PRDM16: variants seen among roughly 807,000 people sequenced by gnomAD.
PRDM16 encodes the protein histone-lysine N-methyltransferase PRDM16.
PRDM16 carries 23 observed loss-of-function variants against 110.6 expected under a neutral mutation model. The observed-to-expected ratio is 0.21, with a 90% CI of 0.15 to 0.29. The LOEUF (loss-of-function observed/expected upper bound fraction) is 0.29, where lower values mean the gene tolerates loss of function less well. Among genes scored for constraint, PRDM16 ranks in the 10% least tolerant of loss-of-function variants. The pLI, the probability that PRDM16 is intolerant of heterozygous loss-of-function variation, is 1.00. For missense variants in PRDM16, 1,615 were observed against 1,794.3 expected (o/e 0.90, Z 1.81); for synonymous variants, 799 against 781.8 (o/e 1.02, Z -0.37).
intron 5 of PRDM16, among the ~76,000 whole-genome samples, chr1:3,401,557 TATTC>T (rs1285665624): frequency 1.3e-5 from 1 of 75,404 alleles, no homozygotes; most frequent in African/African-American, 4.7e-5. Flanking sequence ...TGTGTACACA[TATTC>T]ATGCCTGCAC....
At chr1:3,114,624 G>GC (rs1642912672) in intron 1 of PRDM16, among the ~76,000 whole-genome samples, 1 of 140,560 alleles carries the variant, frequency 7.1e-6, no homozygotes, top group African/African-American at 2.7e-5. Context: ...ATACACACAT[G>GC]AACACACACA....
At chr1:3,072,664 G>C (rs1024592970) in intron 1 of PRDM16, among the ~76,000 whole-genome samples, 1 of 152,196 alleles carries the variant, frequency 6.6e-6, no homozygotes, top group Non-Finnish European at 1.5e-5. Context: ...CCCTCCCTGG[G>C]GCAGTTGGCC....
At chr1:3,367,508 G>T (rs973477457) in intron 3 of PRDM16, among the ~76,000 whole-genome samples, 2 of 152,150 alleles carry the variant, frequency 1.3e-5, no homozygotes, top group Non-Finnish European at 2.9e-5. Context: ...CAGGCCTAAC[G>T]CACCCACAGC....
chr1:3,397,636 T>C (rs1643406197), intron 5 of PRDM16, among the ~76,000 whole-genome samples: 1 of 152,258 alleles, frequency 6.6e-6, no homozygotes, highest in Admixed American at 6.5e-5. Context: ...GCAAGCTCCC[T>C]CCTGGCCGTT....
chr1:3,387,483 C>A (rs1225131528), intron 4 of PRDM16, among the ~76,000 whole-genome samples: 1 of 152,220 alleles, frequency 6.6e-6, no homozygotes. Flanking sequence ...CCCCTCAACC[C>A]CCTTGTGAGA....
In PRDM16 at chr1:3,404,931, G is replaced by A. The variant is rs79424834; in HGVS notation, c.1032+45G>A. 5.7e-4 allele frequency: 903 copies of A among 1,589,878 alleles called. 11 individuals carry two copies. The East Asian group carries it at 0.019, about 33-fold the overall frequency. ...CGTCTCAGCCCCGGGGCAGCAGGAG[G>A]CTGCAGACGGGCGCCCGCCCCCGTG... is the stretch of plus-strand genomic sequence containing the variant. On this transcript the variant is annotated intron_variant, in intron 7 of 16. Transcript: ENST00000270722.
At chr1:3,400,950 G>A (rs1228845931) in intron 5 of PRDM16, among the ~76,000 whole-genome samples, 1 of 152,050 alleles carries the variant, frequency 6.6e-6, no homozygotes, top group Admixed American at 6.6e-5. Context: ...TGGCAAGCTG[G>A]CATCTGTACC....
chr1:3,215,430 G>C (rs1329016163), intron 2 of PRDM16, among the ~76,000 whole-genome samples: 1 of 123,112 alleles, frequency 8.1e-6, no homozygotes, highest in East Asian at 2.4e-4. Context: ...GGCCTATTGG[G>C]GTCCAGGAGA....
At chr1:3,114,600 A>G (rs1048885701) in intron 1 of PRDM16, among the ~76,000 whole-genome samples, 21 of 151,918 alleles carry the variant, frequency 1.4e-4, no homozygotes, top group Non-Finnish European at 2.5e-4. Context: ...ACACGTGCAC[A>G]TGCACACACG....
rs1351359649 is a variant in PRDM16 at position 3,412,741 on chromosome 1, C to G, written c.2544C>G (p.Pro848=). ...CCCAGGTGTGCCCGGCGCGGATGCC[C>G]CAGCAGCCCCCGCTCCACTACGCCA... ...GLPQVCPARM[P]QQPPLHYAKP... is the part of the protein sequence containing the mutation. Residue 848 remains proline (P), a synonymous_variant, in exon 9 of 17, where the codon CCC becomes CCG. Coordinates refer to ENST00000270722, the MANE Select transcript of PRDM16 (RefSeq NM_022114.4). 6.7e-7 allele frequency: 1 copy of G among 1,503,596 alleles called. No individual in the cohort carries two copies. 93.1% of individuals were successfully genotyped at this position (1,503,596 alleles called of 1,614,324 possible).
At chr1:3,180,857 T>TACAC (rs1644143345) in intron 1 of PRDM16, among the ~76,000 whole-genome samples, 6 of 148,700 alleles carry the variant, frequency 4.0e-5, no homozygotes, top group African/African-American at 1.3e-4. Flanking sequence ...CACGCAGTCT[T>TACAC]ACGCACGGCC....
At chr1:3,432,161 C>T (rs202018068) in intron 16 of PRDM16, 21 bp downstream of exon 16, 469 of 1,606,044 alleles carry the variant, frequency 2.9e-4, no homozygotes, top group Middle Eastern at 1.0e-3. Context: ...GCCAGAGCCC[C>T]TCCCCCACCC....
intron 1 of PRDM16, among the ~76,000 whole-genome samples, chr1:3,184,263 A>G (rs11810287): frequency 0.018 from 2,810 of 152,332 alleles, 80 homozygotes; most frequent in African/African-American, 0.058. Context: ...TTCTTTTGAA[A>G]GAAAGCATTT....
At chr1:3,123,915 C>T (rs954039735) in intron 1 of PRDM16, among the ~76,000 whole-genome samples, 15 of 152,342 alleles carry the variant, frequency 9.8e-5, no homozygotes, top group Admixed American at 2.0e-4. Context: ...GCCCTGTCTC[C>T]GAGCACCTGG....
chr1:3,088,975 G>T (rs900885302), intron 1 of PRDM16, among the ~76,000 whole-genome samples: 7 of 151,196 alleles, frequency 4.6e-5, no homozygotes, highest in African/African-American at 7.3e-5. Context: ...TAGAGATGGG[G>T]TTTCACCATG....
At chr1:3,385,025 G>A in intron 3 of PRDM16, 127 bp from the exon 4 acceptor site, 1 of 1,161,236 alleles carries the variant, frequency 8.6e-7, no homozygotes, top group Non-Finnish European at 1.3e-6. Context: ...AGGGTGGGCT[G>A]AGGTCTGGAC....
intron 3 of PRDM16, among the ~76,000 whole-genome samples, chr1:3,297,484 A>G (rs1308604910): frequency 1.3e-5 from 2 of 151,986 alleles, no homozygotes; most frequent in Admixed American, 6.5e-5. Context: ...GGGTTTTGCC[A>G]TGTTGGCTAG....
At chr1:3,239,332 C>T (rs1639609545) in intron 2 of PRDM16, among the ~76,000 whole-genome samples, 1 of 152,096 alleles carries the variant, frequency 6.6e-6, no homozygotes, top group Non-Finnish European at 1.5e-5. Context: ...ATGTAGGCCG[C>T]ATGGAAGCTG....
rs1168709109 is a variant in PRDM16 at position 3,181,220 on chromosome 1, A to AGTCTTACG, written c.38-4898_38-4897insGGTCTTAC. Among the ~76,000 whole-genome samples the AGTCTTACG allele has an allele frequency of 4.1e-5, 2 of 49,376 alleles. 1 individual carries two copies. Among genetic ancestry groups the AGTCTTACG allele is most frequent in the East Asian group, 9.2e-4 (2 of 2,168 alleles). 32.4% of individuals were successfully genotyped at this position (49,376 alleles called of 152,430 possible). A position where few individuals can be genotyped will look rare whatever the true frequency, so the allele number is the denominator to read the frequency against. Reference sequence around the variant, plus strand: ...GTCTTACACACGGTCTTACACACGCAGTCTTACACACGGTCTTACACACAG... The same window carrying AGTCTTACG: ...GTCTTACACACGGTCTTACACACGCAGTCTTACGGTCTTACACACGGTCTTACACACAG... On this transcript the variant is annotated intron_variant, in intron 1 of 16. Transcript: ENST00000270722.
Sources: allele counts gnomAD v4.1 joint callset (sites outside exome capture counted in the v4.1 genomes callset), GRCh38; gene constraint gnomAD v4.1.1; transcripts MANE v1.5; gene names NCBI Gene and HGNC (gene_info 2026-07-23, HGNC 2026-07-21).